CNIH3: variants seen among roughly 807,000 people sequenced by gnomAD.
The protein encoded by CNIH3 is cornichon family AMPA receptor auxiliary protein 3.
Under a neutral mutation model 24.1 loss-of-function variants are expected in CNIH3, and 14 were observed. The ratio of observed to expected loss-of-function variants is 0.58; its 90% confidence interval spans 0.38 to 0.91. The LOEUF (loss-of-function observed/expected upper bound fraction) is 0.91. CNIH3 is among the 40% of genes least tolerant of loss of function. CNIH3 has a pLI of 0.00. For missense variants in CNIH3, 178 were observed against 196.8 expected, an observed-to-expected ratio of 0.90 and a Z score of 0.57; for synonymous variants, 68 against 73.8, an observed-to-expected ratio of 0.92 and a Z score of 0.40.
chr1:224,677,701 C>G (rs896631278), intron 1 of CNIH3, among the ~76,000 whole-genome samples: 3 of 152,212 alleles, frequency 2.0e-5, no homozygotes, highest in African/African-American at 7.2e-5. Flanking sequence ...TCTGCTGCTT[C>G]AAGCTCCAGC....
chr1:224,650,207 G>A (rs1053556870), intron 1 of CNIH3, among the ~76,000 whole-genome samples: 2 of 152,148 alleles, frequency 1.3e-5, no homozygotes, highest in African/African-American at 4.8e-5. Flanking sequence ...ATCTTCAGGG[G>A]TGGCTTGGGA....
intron 1 of CNIH3, among the ~76,000 whole-genome samples, chr1:224,498,436 C>T (rs998797606): frequency 2.0e-5 from 3 of 152,186 alleles, no homozygotes; most frequent in Non-Finnish European, 4.4e-5. Flanking sequence ...ATGCAACTCT[C>T]TGGATTGGAA....
chr1:224,712,408 T>C (rs892975), intron 3 of CNIH3, among the ~76,000 whole-genome samples: 35,225 of 152,126 alleles, frequency 0.23, 4,379 homozygotes, highest in East Asian at 0.44. Context: ...GGTATTTATG[T>C]ATCTTTTTGA....
downstream of CNIH3, among the ~76,000 whole-genome samples, chr1:224,541,372 C>G (rs1298430258): frequency 6.6e-6 from 1 of 151,962 alleles, no homozygotes; most frequent in Non-Finnish European, 1.5e-5. Context: ...CTACTTTAGG[C>G]TTATCATACA....
At chr1:224,545,423 T>A (rs1261187948) in intron 2 of CNIH3, among the ~76,000 whole-genome samples, 1 of 152,230 alleles carries the variant, frequency 6.6e-6, no homozygotes, top group Non-Finnish European at 1.5e-5. Flanking sequence ...GTTCTCATCA[T>A]CTTTAAAAAT....
chr1:224,586,655 T>G (rs777834546), intron 5 of CNIH3, among the ~76,000 whole-genome samples: 9 of 152,210 alleles, frequency 5.9e-5, no homozygotes, highest in Non-Finnish European at 1.2e-4. Context: ...CCCAAGTTTG[T>G]GTTCACCCAG....
In CNIH3 at chr1:224,501,861, G is replaced by A. The variant is rs1311981754; in HGVS notation, n.204-13880G>A. ...CTCCCAAAGTGCTAGGATTACAGGC[G>A]TGAGCCACTGCTTTATACAGAAATT... is the stretch of plus-strand genomic sequence containing the variant. On this transcript the variant is annotated intron_variant and non_coding_transcript_variant, in intron 1 of 5. Coordinates refer to the CNIH3 transcript ENST00000471578. Among the ~76,000 whole-genome samples, 2 of 146,920 alleles carry A rather than the reference G, an allele frequency of 1.4e-5. 1 individual carries two copies. Among genetic ancestry groups the A allele is most frequent in the South Asian group, 4.1e-4 (2 of 4,822 alleles).
intron 1 of CNIH3, chr1:224,515,924 T>A (rs1678361566): frequency 6.6e-6 from 1 of 152,236 alleles, no homozygotes; most frequent in Admixed American, 6.5e-5. Flanking sequence ...CTTAGCTTAT[T>A]ATGTGTTTAA....
At chr1:224,523,573 A>C (rs1179976907) in intron 2 of CNIH3, among the ~76,000 whole-genome samples, 1 of 152,076 alleles carries the variant, frequency 6.6e-6, no homozygotes, top group African/African-American at 2.4e-5. Context: ...AGGGGAAAAG[A>C]GGGGCTTCTG....
chr1:224,694,624 A>G (rs986628171), intron 3 of CNIH3, among the ~76,000 whole-genome samples: 1 of 152,264 alleles, frequency 6.6e-6, no homozygotes, highest in African/African-American at 2.4e-5. Context: ...AAAAAGACAC[A>G]TGCACACACA....
Position 224,616,667 on chromosome 1 carries a change from C to G in CNIH3, c.-508C>G. 1.0e-6 allele frequency: 1 copy of G among 988,278 alleles called. No individual in the cohort carries two copies. Among genetic ancestry groups the G allele is most frequent in the East Asian group, 1.1e-4 (1 of 8,844 alleles). The allele number at this position is 988,278 out of a possible 1,614,324, so 61.2% of individuals were successfully genotyped here. A position where few individuals can be genotyped will look rare whatever the true frequency, so the allele number is the denominator to read the frequency against. On this transcript the variant is annotated 5_prime_UTR_variant, in exon 1 of 6. Coordinates refer to ENST00000272133, the MANE Select transcript of CNIH3 (RefSeq NM_152495.2). ...TGGGATTTGGGAGGAGCTCGGAGGC[C>G]GCTCGGGCACCTCGCTGGACACTAT...
rs762758197 is a variant in CNIH3 at position 224,703,677 on chromosome 1, TAG to T, written c.198+18837_198+18838del. Among the ~76,000 whole-genome samples the T allele has an allele frequency of 3.3e-5, 5 of 152,092 alleles. No individual in the cohort carries two copies. Among genetic ancestry groups the T allele is most frequent in the Non-Finnish European group, 7.3e-5 (5 of 68,030 alleles). ...CCCTACCCAGTTCTTGAGCTAAGAA[TAG>T]AGTTTCCAAAGCAATTTGTTTCCTA... is the stretch of plus-strand genomic sequence containing the variant. On this transcript the variant is annotated intron_variant, in intron 3 of 5. Coordinates refer to ENST00000272133, the MANE Select transcript of CNIH3 (RefSeq NM_152495.2). The surrounding 1 kb of genome is among the most constrained non-coding windows in gnomAD (Gnocchi z 4.2).
intron 2 of CNIH3, among the ~76,000 whole-genome samples, chr1:224,528,234 AGCCT>A (rs1002912363): frequency 9.9e-5 from 15 of 152,236 alleles, no homozygotes; most frequent in African/African-American, 3.4e-4. Context: ...ACTGCACTCC[AGCCT>A]GGGTGACAGT....
At chr1:224,475,761 T>A (rs1457163325) in intron 1 of CNIH3, among the ~76,000 whole-genome samples, 1 of 152,182 alleles carries the variant, frequency 6.6e-6, no homozygotes, top group Non-Finnish European at 1.5e-5. Context: ...GAGGCCAGTA[T>A]TACCAGTAAA....
intron 1 of CNIH3, among the ~76,000 whole-genome samples, chr1:224,443,350 A>G (rs972078030): frequency 1.3e-5 from 2 of 152,184 alleles, no homozygotes; most frequent in Admixed American, 6.5e-5. Context: ...TAAATTGTGT[A>G]GGCCTGTAGT....
At chr1:224,444,730 C>A (rs540690503) in intron 1 of CNIH3, among the ~76,000 whole-genome samples, 14 of 151,838 alleles carry the variant, frequency 9.2e-5, no homozygotes, top group African/African-American at 3.1e-4. Flanking sequence ...CTGCAACCTT[C>A]GACTCCCGGG....
At chr1:224,700,688 C>T (rs1321102153) in intron 3 of CNIH3, among the ~76,000 whole-genome samples, 1 of 152,146 alleles carries the variant, frequency 6.6e-6, no homozygotes, top group Non-Finnish European at 1.5e-5. Context: ...CCATCATTCT[C>T]CTGGAGAAAG....
chr1:224,527,029 A>C (rs1678874739), intron 2 of CNIH3, among the ~76,000 whole-genome samples: 2 of 152,140 alleles, frequency 1.3e-5, no homozygotes, highest in South Asian at 4.1e-4. Context: ...CGCCTCCAAC[A>C]TTGGGGATTA....
chr1:224,642,410 G>A (rs968663146), intron 1 of CNIH3, among the ~76,000 whole-genome samples: 7 of 151,930 alleles, frequency 4.6e-5, no homozygotes, highest in African/African-American at 1.2e-4. Flanking sequence ...TTTATTTTTC[G>A]TAAAGACAGG....
Sources: allele counts gnomAD v4.1 joint callset (sites outside exome capture counted in the v4.1 genomes callset), GRCh38; gene constraint gnomAD v4.1.1; non-coding constraint Gnocchi (gnomAD v3.1); transcripts MANE v1.5; gene names NCBI Gene and HGNC (gene_info 2026-07-23, HGNC 2026-07-21).